RFX7: variants seen among roughly 807,000 people sequenced by gnomAD.
The protein encoded by RFX7 is DNA-binding protein RFX7.
In RFX7, 26 loss-of-function variants were observed where a neutral mutation model predicts 111.8. The observed-to-expected ratio is 0.23, with a 90% confidence interval of 0.17 to 0.32. The LOEUF is 0.32. RFX7 is among the 10% of genes least tolerant of loss of function. The pLI is 1.00. For missense variants in RFX7, 1,573 were observed against 1,772.9 expected (o/e 0.89, Z 2.02); for synonymous variants, 624 against 624.4 (o/e 1.00, Z 0.01).
At position 56,103,478 on chromosome 15, in the gene RFX7, T is replaced by C. The variant is rs2041786216; in HGVS notation, c.518+76A>G. The C allele has an allele frequency of 5.6e-6, 5 of 891,140 alleles. No homozygotes were observed. The East Asian group carries it at 1.4e-4, about 24-fold the overall frequency. 55.2% of individuals were successfully genotyped at this position (891,140 alleles called of 1,614,324 possible). A position where few individuals can be genotyped will look rare whatever the true frequency, so the allele number is the denominator to read the frequency against. On this transcript the variant is annotated intron_variant, in intron 6 of 9. Coordinates refer to ENST00000559447, the MANE Select transcript of RFX7 (RefSeq NM_022841.7). ...GTTTATTTCTAAATAAAGTTGCCAG[T>C]TGAACTACAACAATAGATGTTCTAT...
At chr15:56,193,697 G>T (rs551562796) in intron 2 of RFX7, among the ~76,000 whole-genome samples, 1 of 152,210 alleles carries the variant, frequency 6.6e-6, no homozygotes, top group Admixed American at 6.5e-5. Flanking sequence ...TTACCAGAAT[G>T]TTATTGATAT....
At chr15:56,169,262 C>A (rs917983136) in intron 3 of RFX7, among the ~76,000 whole-genome samples, 4 of 152,198 alleles carry the variant, frequency 2.6e-5, no homozygotes, top group Non-Finnish European at 2.9e-5. Flanking sequence ...TCCAAACTTT[C>A]TCCATCTTCC....
Position 56,093,681 on chromosome 15 carries a change from A to G in RFX7, c.4047T>C (p.Thr1349=). 1 of 1,613,862 alleles carries G rather than the reference A, an allele frequency of 6.2e-7. No individual in the cohort carries two copies. Among genetic ancestry groups the G allele is most frequent in the East Asian group, 2.2e-5 (1 of 44,876 alleles). ...IGEQQLDFNS[T]VKDLLSGDSL... is the part of the protein sequence containing the mutation. ...TGTCTCCACTCAACAGGTCTTTAAC[A>G]GTGCTATTGAAATCTAATTGTTGCT... Residue 1349 remains threonine (T), a synonymous_variant, in exon 10 of 10, where the codon ACT becomes ACC. Coordinates refer to ENST00000559447, the MANE Select transcript of RFX7 (RefSeq NM_022841.7).
chr15:56,218,144 CTTTTTTTT>C (rs869249448), intron 2 of RFX7, among the ~76,000 whole-genome samples: 4,110 of 57,752 alleles, frequency 0.071, 49 homozygotes, highest in Non-Finnish European at 0.11. Context: ...AAATGATTTT[CTTTTTTTT>C]TTTTTTTTTT....
intron 5 of RFX7, among the ~76,000 whole-genome samples, chr15:56,107,014 T>C (rs182387987): frequency 5.5e-4 from 84 of 152,186 alleles, no homozygotes; most frequent in African/African-American, 2.0e-3. Context: ...CTAATGTCAT[T>C]TTAAAAATGA....
upstream of RFX7, chr15:56,244,415 A>G (rs1252568160): frequency 6.6e-6 from 1 of 152,162 alleles, no homozygotes; most frequent in Non-Finnish European, 1.5e-5. Context: ...CGGGCATTCA[A>G]AGCCCTCCAA....
At chr15:56,219,453 T>C (rs1056243176) in intron 2 of RFX7, among the ~76,000 whole-genome samples, 2 of 152,164 alleles carry the variant, frequency 1.3e-5, no homozygotes, top group Admixed American at 1.3e-4. Context: ...GGATTTGGTG[T>C]ACAGATTATT....
intron 2 of RFX7, among the ~76,000 whole-genome samples, chr15:56,233,645 CTGAAATGAGTAA>C (rs1441889077): frequency 6.6e-6 from 1 of 152,052 alleles, no homozygotes; most frequent in Non-Finnish European, 1.5e-5. Flanking sequence ...ATTAGAGTAA[CTGAAATGAGTAA>C]TGAAATGAAA....
chr15:56,111,898 C>T (rs2041938479), intron 5 of RFX7, among the ~76,000 whole-genome samples: 1 of 151,880 alleles, frequency 6.6e-6, no homozygotes, highest in African/African-American at 2.4e-5. Flanking sequence ...GGGTGGATCA[C>T]GAGGTCAGGA....
chr15:56,135,255 T>C (rs1464175155), intron 5 of RFX7, among the ~76,000 whole-genome samples: 1 of 151,154 alleles, frequency 6.6e-6, no homozygotes, highest in Non-Finnish European at 1.5e-5. Context: ...TTCCTATTTC[T>C]CCACATCCTC....
At chr15:56,237,880 A>G (rs2043642551) in intron 2 of RFX7, among the ~76,000 whole-genome samples, 1 of 152,188 alleles carries the variant, frequency 6.6e-6, no homozygotes, top group African/African-American at 2.4e-5. Context: ...AGCTAGCCTC[A>G]ATACGGATAT....
At chr15:56,220,133 T>A (rs1235488114) in intron 2 of RFX7, among the ~76,000 whole-genome samples, 1 of 152,262 alleles carries the variant, frequency 6.6e-6, no homozygotes, top group Non-Finnish European at 1.5e-5. Flanking sequence ...TGATTAGTGA[T>A]GTTCAGCATC....
rs188728059 is a variant in RFX7, at chr15:56,201,807, G to T, written c.162-22504C>A. On this transcript the variant is annotated intron_variant, in intron 2 of 9. Coordinates refer to ENST00000559447, the MANE Select transcript of RFX7 (RefSeq NM_022841.7). ...GCACTTTGGGAGGCCGAGATGGGCA[G>T]ATCACGAGGTCAGGAGATTGAGACC... Among the ~76,000 whole-genome samples, 707 of 152,292 alleles carry T rather than the reference G, an allele frequency of 4.6e-3. 12 individuals are homozygous for T. The highest frequency in any genetic ancestry group is 0.017 in the African/African-American group (690 of 41,552).
intron 2 of RFX7, among the ~76,000 whole-genome samples, chr15:56,228,075 T>C (rs1290860296): frequency 6.6e-6 from 1 of 152,166 alleles, no homozygotes; most frequent in Non-Finnish European, 1.5e-5. Flanking sequence ...AAATATGATA[T>C]AATTCTTATC....
chr15:56,101,348 T>C lies in RFX7; in HGVS notation c.811+11A>G, dbSNP rs1424937935. On this transcript the variant is annotated intron_variant, in intron 8 of 9. Coordinates refer to ENST00000559447, the MANE Select transcript of RFX7 (RefSeq NM_022841.7). ...CTGTCAGTTTTTAGCTTGTTCACAG[T>C]AATGTTGTACCTGCTGGTGCTGCTG... 5 of 1,567,062 alleles carry C rather than the reference T, an allele frequency of 3.2e-6. No homozygotes were observed. Among genetic ancestry groups the C allele is most frequent in the South Asian group, 1.2e-5 (1 of 85,600 alleles).
chr15:56,124,423 G>GGA lies in RFX7; in HGVS notation c.401+18354_401+18355insTC, dbSNP rs538445685. On this transcript the variant is annotated intron_variant, in intron 5 of 9. Transcript: ENST00000559447. ...GGTGACAGAGCAAGACTCAGTCTCC[G>GGA]AAAAAAAAAAAAAAATCCATACTGT... is the stretch of plus-strand genomic sequence containing the variant. Among the ~76,000 whole-genome samples the GGA allele has an allele frequency of 3.4e-3, 360 of 104,462 alleles. 3 individuals are homozygous for GGA. Among genetic ancestry groups the GGA allele is most frequent in the East Asian group, 5.1e-3 (8 of 1,562 alleles). The allele number at this position is 104,462 out of a possible 152,430, so 68.5% of individuals were successfully genotyped here.
chr15:56,178,166 TACACACACACACACACACACACAC>T (rs140828561), intron 3 of RFX7, among the ~76,000 whole-genome samples: 6 of 119,656 alleles, frequency 5.0e-5, no homozygotes, highest in South Asian at 2.8e-4. Flanking sequence ...ACCAAAAAAC[TACACACACACACACACACACACAC>T]ACACACACAC....
rs111275152 is a variant in RFX7, at chr15:56,123,530, T to A, written c.401+19248A>T. Reference sequence around the variant, plus strand: ...GAGTTGCAAGCTTTGCTGCCTCAGGTTGAGGGAAGGCTGATGCAGGCACTC... The same window carrying A: ...GAGTTGCAAGCTTTGCTGCCTCAGGATGAGGGAAGGCTGATGCAGGCACTC... On this transcript the variant is annotated intron_variant, in intron 5 of 9. Coordinates refer to ENST00000559447, the MANE Select transcript of RFX7 (RefSeq NM_022841.7). 7.4e-3 allele frequency among the ~76,000 whole-genome samples: 1,125 copies of A among 152,244 alleles called. 12 individuals carry two copies. Among genetic ancestry groups the A allele is most frequent in the African/African-American group, 0.026 (1,091 of 41,536 alleles).
intron 3 of RFX7, among the ~76,000 whole-genome samples, chr15:56,165,341 C>G (rs2042770824): frequency 6.6e-6 from 1 of 152,194 alleles, no homozygotes; most frequent in Admixed American, 6.5e-5. Context: ...AAGAGGACAT[C>G]ACTAAGACTT....
Sources: gnomAD v4.1 joint callset for allele counts (sites outside exome capture counted in the v4.1 genomes callset) on GRCh38, gnomAD v4.1.1 for gene constraint, MANE v1.5 for transcripts, NCBI Gene and HGNC (gene_info 2026-07-23, HGNC 2026-07-21) for gene names.